FHL2: variants seen among roughly 807,000 people sequenced by gnomAD.
FHL2 encodes the protein four and a half LIM domains 2.
A neutral mutation model predicts 32.7 loss-of-function variants in FHL2; 20 were observed. The ratio of observed to expected loss-of-function variants is 0.61; its 90% CI spans 0.43 to 0.89. The LOEUF (loss-of-function observed/expected upper bound fraction) is 0.89. Among genes scored for constraint, FHL2 ranks in the 40% least tolerant of loss-of-function variants. FHL2 has a pLI of 0.00. For synonymous variants in FHL2, 123 were observed against 128.1 expected, an observed-to-expected ratio of 0.96 and a Z score of 0.27; for missense variants, 311 against 358.6, an observed-to-expected ratio of 0.87 and a Z score of 1.07.
chr2:105,412,508 G>A (rs529734948), intron 1 of FHL2, among the ~76,000 whole-genome samples: 78 of 152,360 alleles, frequency 5.1e-4, no homozygotes, highest in Middle Eastern at 6.8e-3. Flanking sequence ...ATGAGATTCA[G>A]GGAGAAGGTT....
intron 3 of FHL2, chr2:105,374,332 C>T (rs765584693): frequency 3.2e-5 from 5 of 155,686 alleles, no homozygotes; most frequent in Admixed American, 6.3e-5. Flanking sequence ...GATCTGGGGA[C>T]GGGGGGCATG....
At chr2:105,400,436 C>G (rs67802989), upstream of FHL2, among the ~76,000 whole-genome samples, 53,642 of 151,654 alleles carry the variant, frequency 0.35, 9,816 homozygotes, top group Middle Eastern at 0.44. Flanking sequence ...TTAAGGCCAC[C>G]CTACCTGAAT....
upstream of FHL2, among the ~76,000 whole-genome samples, chr2:105,401,962 G>A (rs1376997176): frequency 2.6e-5 from 4 of 151,300 alleles, no homozygotes; most frequent in East Asian, 7.7e-4. Flanking sequence ...TTTGAGCTAT[G>A]TTAATGTACT....
intron 3 of FHL2, among the ~76,000 whole-genome samples, chr2:105,379,420 T>C (rs891393406): frequency 2.0e-5 from 3 of 152,216 alleles, no homozygotes; most frequent in African/African-American, 7.2e-5. Context: ...CGTTGGTAAC[T>C]CTACCACTCT....
At chr2:105,407,122 G>A (rs889683450) in intron 1 of FHL2, among the ~76,000 whole-genome samples, 3 of 152,188 alleles carry the variant, frequency 2.0e-5, no homozygotes, top group African/African-American at 7.2e-5. Flanking sequence ...GCTGGGCGTG[G>A]TGGCTCACGC....
At chr2:105,384,205 CGTAA>C (rs920219770) in intron 3 of FHL2, among the ~76,000 whole-genome samples, 3 of 152,170 alleles carry the variant, frequency 2.0e-5, no homozygotes, top group East Asian at 1.9e-4. Context: ...CTCTCACCTA[CGTAA>C]GTATTTCTTT....
intron 5 of FHL2, 74 bp from the exon 6 acceptor site, chr2:105,363,545 G>A (rs572884587): frequency 1.5e-6 from 2 of 1,367,140 alleles, no homozygotes; most frequent in South Asian, 2.8e-5. Flanking sequence ...TACTGCCACT[G>A]GACGATGCAA....
chr2:105,401,783 G>A (rs183785569), upstream of FHL2, among the ~76,000 whole-genome samples: 42 of 152,226 alleles, frequency 2.8e-4, no homozygotes, highest in African/African-American at 9.4e-4. Context: ...TAAAAGTAGA[G>A]AACACTTTGT....
intron 2 of FHL2, among the ~76,000 whole-genome samples, chr2:105,393,013 A>G (rs1378016444): frequency 4.0e-5 from 6 of 149,400 alleles, no homozygotes; most frequent in Non-Finnish European, 8.9e-5. Context: ...AACCAGAAAG[A>G]TTTCGATCAA....
At chr2:105,374,510 G>C (rs898253549) in intron 3 of FHL2, 2 of 152,410 alleles carry the variant, frequency 1.3e-5, no homozygotes, top group African/African-American at 2.4e-5. Context: ...GCTCAGACTG[G>C]GGGACGGGTA....
At chr2:105,437,849 T>C (rs1233058271) in intron 1 of FHL2, among the ~76,000 whole-genome samples, 1 of 152,214 alleles carries the variant, frequency 6.6e-6, no homozygotes, top group Non-Finnish European at 1.5e-5. Flanking sequence ...AATAGCTCTC[T>C]GGGCTTTCAA....
At chr2:105,393,145 T>G (rs1682856261) in intron 2 of FHL2, among the ~76,000 whole-genome samples, 1 of 152,094 alleles carries the variant, frequency 6.6e-6, no homozygotes, top group Non-Finnish European at 1.5e-5. Flanking sequence ...AAGAAGTCTA[T>G]TTAAGCATCC....
intron 1 of FHL2, among the ~76,000 whole-genome samples, chr2:105,406,918 G>A (rs1683648537): frequency 6.6e-6 from 1 of 152,154 alleles, no homozygotes; most frequent in Admixed American, 6.5e-5. Context: ...ATCCCAACTA[G>A]GAAAGCTGCA....
chr2:105,415,953 A>C (rs951714884), intron 1 of FHL2, among the ~76,000 whole-genome samples: 2 of 152,222 alleles, frequency 1.3e-5, no homozygotes, highest in Non-Finnish European at 2.9e-5. Flanking sequence ...GAATATTAAC[A>C]AGAATTGAAA....
intron 1 of FHL2, among the ~76,000 whole-genome samples, chr2:105,431,505 A>C (rs1259169987): frequency 6.6e-6 from 1 of 152,244 alleles, no homozygotes; most frequent in African/African-American, 2.4e-5. Context: ...CAGAGATGCC[A>C]GCAGGTGCAA....
rs903741979 is a variant in FHL2 at position 105,361,183 on chromosome 2, A to G, written c.*100T>C. The stretch of plus-strand genomic sequence containing the variant: ...TGAAAAGCACTAGAAGAAAGTCTCA[A>G]TGTGGCTGGAAGAAACCAGAAGGCA... On this transcript the variant is annotated 3_prime_UTR_variant, in exon 7 of 7. Transcript: ENST00000530340. The G allele has an allele frequency of 5.7e-6, 7 of 1,225,734 alleles. No individual in the cohort carries two copies. Among genetic ancestry groups the G allele is most frequent in the Non-Finnish European group, 8.1e-6 (7 of 862,308 alleles). 75.9% of individuals were successfully genotyped at this position (1,225,734 alleles called of 1,614,324 possible). A position where few individuals can be genotyped will look rare whatever the true frequency, so the allele number is the denominator to read the frequency against.
intron 2 of FHL2, among the ~76,000 whole-genome samples, chr2:105,389,716 C>T (rs1335661604): frequency 6.6e-6 from 1 of 152,172 alleles, no homozygotes; most frequent in African/African-American, 2.4e-5. Flanking sequence ...ACTTGAAAGG[C>T]CGTCTGTGTG....
chr2:105,392,787 G>A (rs1261340965), intron 2 of FHL2, among the ~76,000 whole-genome samples: 1 of 149,442 alleles, frequency 6.7e-6, no homozygotes, highest in East Asian at 2.0e-4. Context: ...GCAGAAGAGA[G>A]GCAAGGACCC....
chr2:105,420,744 C>A (rs147356188), intron 1 of FHL2, among the ~76,000 whole-genome samples: 1 of 152,096 alleles, frequency 6.6e-6, no homozygotes, highest in South Asian at 2.1e-4. Context: ...GATAATCAGG[C>A]ATTAGATTCT....
Sources: gnomAD v4.1 joint callset for allele counts (sites outside exome capture counted in the v4.1 genomes callset) on GRCh38, gnomAD v4.1.1 for gene constraint, MANE v1.5 for transcripts, NCBI Gene and HGNC (gene_info 2026-07-23, HGNC 2026-07-21) for gene names.